The following FMN1 variants were observed in gnomAD, a reference collection of about 807,000 sequenced individuals.
FMN1 encodes the protein formin 1.
A neutral mutation model predicts 132.4 loss-of-function variants in FMN1; 110 were observed. The observed-to-expected ratio is 0.83, with a 90% CI of 0.71 to 0.97. FMN1 has a LOEUF of 0.97. Ranked by LOEUF, FMN1 falls within the 50% of genes least tolerant of loss-of-function variation. The pLI is 0.00. For missense variants in FMN1, 1,792 were observed against 1,705.3 expected, an observed-to-expected ratio of 1.05 and a Z score of -0.90; for synonymous variants, 722 against 651.7, an observed-to-expected ratio of 1.11 and a Z score of -1.64.
chr15:32,839,881 T>C lies in FMN1; in HGVS notation c.3928+17134A>G, dbSNP rs576044523. ...ATCCTTGTTAATTTGCTTATAATTATCCAGAACTAACTACAGGTACACTGA... is the reference window on the plus strand; with the variant it reads ...ATCCTTGTTAATTTGCTTATAATTACCCAGAACTAACTACAGGTACACTGA... On this transcript the variant is annotated intron_variant, in intron 17 of 20. Transcript: ENST00000616417. Among the ~76,000 whole-genome samples, 7 of 152,142 alleles carry C rather than the reference T, an allele frequency of 4.6e-5. No homozygotes were observed. In the South Asian group the frequency reaches 1.0e-3, roughly 23 times the overall value.
intron 4 of FMN1, among the ~76,000 whole-genome samples, chr15:33,125,117 T>C (rs912981253): frequency 6.7e-6 from 1 of 148,756 alleles, no homozygotes; most frequent in African/African-American, 2.6e-5. Context: ...CTTAGAACAT[T>C]ACATCTAGGG....
rs1439069923 is a variant in FMN1 at position 32,770,842 on chromosome 15, A to C, written c.*3468T>G. 6.6e-6 allele frequency: 1 copy of C among 151,676 alleles called. No individual in the cohort carries two copies. Among genetic ancestry groups the C allele is most frequent in the African/African-American group, 2.4e-5 (1 of 41,370 alleles). The allele number at this position is 151,676 out of a possible 1,614,324, so 9.4% of individuals were successfully genotyped here. A position where few individuals can be genotyped will look rare whatever the true frequency, so the allele number is the denominator to read the frequency against. On this transcript the variant is annotated 3_prime_UTR_variant, in exon 21 of 21. Transcript: ENST00000616417. The stretch of plus-strand genomic sequence containing the variant: ...TTCTCAGATTTCAGAAAATCTTTAT[A>C]ATTCCTGAGTAGTTGCAGTGAGTGT...
intron 5 of FMN1, chr15:33,067,015 C>T: frequency 6.2e-7 from 1 of 1,614,046 alleles, no homozygotes; most frequent in Non-Finnish European, 8.5e-7. Flanking sequence ...TCTCTCCTCC[C>T]TCAGCGGTAG....
At chr15:33,106,961 T>C (rs550677764) in intron 4 of FMN1, among the ~76,000 whole-genome samples, 3 of 152,176 alleles carry the variant, frequency 2.0e-5, no homozygotes, top group African/African-American at 2.4e-5. Context: ...TCCAAATTAA[T>C]GTATCTGGCC....
chr15:33,048,644 A>AAAAAAAAC lies in FMN1; in HGVS notation c.2161+16312_2161+16313insGTTTTTTT. Reference sequence around the variant, plus strand: ...TGGGCAATTTACCAAAAAAAAAAAAAAAAAACCAACAGTTTAATGGACTTA... The same window carrying AAAAAAAAC: ...TGGGCAATTTACCAAAAAAAAAAAAAAAAAAAACAAAAACCAACAGTTTAATGGACTTA... On this transcript the variant is annotated intron_variant, in intron 6 of 20. Transcript: ENST00000616417. 1.4e-3 allele frequency among the ~76,000 whole-genome samples: 120 copies of AAAAAAAAC among 86,942 alleles called. 8 individuals carry two copies. Among genetic ancestry groups the AAAAAAAAC allele is most frequent in the African/African-American group, 4.6e-3 (112 of 24,340 alleles). The allele number at this position is 86,942 out of a possible 152,430, so 57.0% of individuals were successfully genotyped here. A position where few individuals can be genotyped will look rare whatever the true frequency, so the allele number is the denominator to read the frequency against.
At chr15:32,833,318 G>A (rs549886511) in intron 17 of FMN1, among the ~76,000 whole-genome samples, 68 of 152,280 alleles carry the variant, frequency 4.5e-4, no homozygotes, top group African/African-American at 1.6e-3. Flanking sequence ...AAGGGCTTGG[G>A]TTAAGGGAAT....
intron 4 of FMN1, among the ~76,000 whole-genome samples, chr15:33,125,549 T>C (rs1362433168): frequency 5.3e-5 from 8 of 152,068 alleles, no homozygotes; most frequent in Non-Finnish European, 1.2e-4. Context: ...CTTAAAAAAA[T>C]TCAGAATAGG....
At chr15:32,987,784 C>T (rs563127699) in intron 7 of FMN1, among the ~76,000 whole-genome samples, 21 of 152,160 alleles carry the variant, frequency 1.4e-4, no homozygotes, top group Non-Finnish European at 2.5e-4. Context: ...GAATTAAATC[C>T]GAATATTTAC....
intron 15 of FMN1, among the ~76,000 whole-genome samples, chr15:32,890,856 A>G (rs1011448939): frequency 6.6e-6 from 1 of 152,114 alleles, no homozygotes; most frequent in Non-Finnish European, 1.5e-5. Context: ...TATCTTCTAG[A>G]ATTTTTATAG....
intron 7 of FMN1, among the ~76,000 whole-genome samples, chr15:32,983,456 T>C (rs1230364740): frequency 2.0e-5 from 3 of 152,238 alleles, no homozygotes; most frequent in Admixed American, 2.0e-4. Context: ...CTGCACATTT[T>C]TGGTGAAACC....
intron 4 of FMN1, 42 bp downstream of exon 4, chr15:33,153,006 T>A (rs1299700207): frequency 1.4e-6 from 2 of 1,446,304 alleles, no homozygotes; most frequent in East Asian, 2.5e-5. Flanking sequence ...AGTTCCCCAA[T>A]CAGCCAAGAA....
intron 17 of FMN1, among the ~76,000 whole-genome samples, chr15:32,849,282 C>G (rs1205480047): frequency 6.6e-6 from 1 of 151,770 alleles, no homozygotes; most frequent in South Asian, 2.1e-4. Context: ...TGAGCCACCG[C>G]GCCCGGCCAG....
At chr15:32,915,020 A>C (rs1010062787) in intron 10 of FMN1, among the ~76,000 whole-genome samples, 1 of 152,242 alleles carries the variant, frequency 6.6e-6, no homozygotes, top group African/African-American at 2.4e-5. Context: ...ATAAAATCTA[A>C]AAAGTAAAAG....
intron 6 of FMN1, among the ~76,000 whole-genome samples, chr15:33,059,542 G>A (rs1019087845): frequency 3.9e-5 from 6 of 152,036 alleles, no homozygotes; most frequent in Non-Finnish European, 7.4e-5. Context: ...TATTTTCCTT[G>A]TTGGATCTTT....
chr15:32,827,128 C>T (rs1004328861), intron 17 of FMN1, among the ~76,000 whole-genome samples: 4 of 152,172 alleles, frequency 2.6e-5, no homozygotes, highest in Admixed American at 2.0e-4. Flanking sequence ...GTTCACTTTA[C>T]TGAGTGGCCT....
At chr15:33,008,133 A>G (rs1288651971) in intron 6 of FMN1, 58 bp from the exon 7 acceptor site, 13 of 1,292,184 alleles carry the variant, frequency 1.0e-5, no homozygotes, top group African/African-American at 1.5e-5. Flanking sequence ...CACAAAATTT[A>G]TCTACTGGTC....
At chr15:33,127,545 A>G (rs1205629363) in intron 4 of FMN1, among the ~76,000 whole-genome samples, 2 of 152,256 alleles carry the variant, frequency 1.3e-5, no homozygotes, top group East Asian at 3.8e-4. Context: ...TAAAGTTTTT[A>G]AACAGTGAAC....
chr15:32,903,075 T>C (rs376962133), intron 12 of FMN1, among the ~76,000 whole-genome samples: 3 of 152,228 alleles, frequency 2.0e-5, no homozygotes, highest in African/African-American at 4.8e-5. Flanking sequence ...TTATACACCC[T>C]GTGCTGCCTC....
At chr15:32,808,172 T>C (rs1268659519) in intron 17 of FMN1, among the ~76,000 whole-genome samples, 1 of 152,254 alleles carries the variant, frequency 6.6e-6, no homozygotes, top group African/African-American at 2.4e-5. Flanking sequence ...ACAAGAACAA[T>C]TCTGAAGTTC....
Sources: gnomAD v4.1 joint callset for allele counts (sites outside exome capture counted in the v4.1 genomes callset) on GRCh38, gnomAD v4.1.1 for gene constraint, MANE v1.5 for transcripts, NCBI Gene and HGNC (gene_info 2026-07-23, HGNC 2026-07-21) for gene names.